VPS13D: variants seen among roughly 807,000 people sequenced by gnomAD.
VPS13D encodes the protein vacuolar protein sorting 13 homolog D.
VPS13D carries 187 observed loss-of-function variants against 461.9 expected under a neutral mutation model. The observed-to-expected ratio is 0.40, with a 90% confidence interval of 0.36 to 0.46. The LOEUF is 0.46. VPS13D is among the 20% of genes least tolerant of loss of function. The probability of loss-of-function intolerance (pLI) is 0.60; values close to 1 mark genes in which losing one functional copy is unlikely to be tolerated. For missense variants in VPS13D, 4,711 were observed against 5,364.9 expected, an observed-to-expected ratio of 0.88 and a Z score of 3.81; for synonymous variants, 1,951 against 1,986.3, an observed-to-expected ratio of 0.98 and a Z score of 0.47.
In VPS13D at chr1:12,329,896, T is replaced by C. The variant is rs79566132; in HGVS notation, c.8265T>C (p.Asp2755=). 0.017 allele frequency: 28,219 copies of C among 1,613,724 alleles called. 365 individuals are homozygous for C. The highest frequency in any genetic ancestry group is 0.063 in the African/African-American group (4,746 of 74,974). ...EGYAHFTLSG[D]YYNRALSGWE... is the part of the protein sequence containing the mutation. Reference sequence around the variant, plus strand: ...ATGCCCACTTCACCCTTTCTGGAGATTATTATAACCGTGCTCTTTCAGGTC... The same window carrying C: ...ATGCCCACTTCACCCTTTCTGGAGACTATTATAACCGTGCTCTTTCAGGTC... Residue 2755 remains aspartate, a synonymous_variant, in exon 37 of 70, where the codon GAT becomes GAC. Coordinates refer to ENST00000620676, the MANE Select transcript of VPS13D (RefSeq NM_015378.4).
intron 68 of VPS13D, 147 bp downstream of exon 68, chr1:12,497,778 T>G: frequency 9.5e-7 from 1 of 1,049,222 alleles, no homozygotes; most frequent in Non-Finnish European, 1.3e-6. Context: ...AAATGTTTTT[T>G]AGATTTAGAT....
intron 67 of VPS13D, among the ~76,000 whole-genome samples, chr1:12,461,558 G>A (rs1557453779): frequency 6.6e-6 from 1 of 152,150 alleles, no homozygotes; most frequent in Non-Finnish European, 1.5e-5. Flanking sequence ...ATGAAGTTGT[G>A]GGGAGGGGCA....
intron 22 of VPS13D, among the ~76,000 whole-genome samples, chr1:12,290,494 G>A (rs766402312): frequency 1.3e-5 from 2 of 152,028 alleles, no homozygotes; most frequent in Non-Finnish European, 2.9e-5. Context: ...AGGCCAAGGC[G>A]GGCGGATCAT....
In VPS13D at chr1:12,351,050, C is replaced by T. The variant is rs1384492334; in HGVS notation, c.9431+1676C>T. Reference sequence around the variant, plus strand: ...AAAAGAACTTCAACTGTTAGAAAAGCCTTTGTCCACAAAGAACACTATAGG... The same window carrying T: ...AAAAGAACTTCAACTGTTAGAAAAGTCTTTGTCCACAAAGAACACTATAGG... On this transcript the variant is annotated intron_variant, in intron 46 of 69. Coordinates refer to ENST00000620676, the MANE Select transcript of VPS13D (RefSeq NM_015378.4). Among the ~76,000 whole-genome samples, 2 of 152,152 alleles carry T rather than the reference C, an allele frequency of 1.3e-5. 1 individual carries two copies. Among genetic ancestry groups the T allele is most frequent in the South Asian group, 4.1e-4 (2 of 4,822 alleles).
At chr1:12,394,844 A>C (rs116102717) in intron 60 of VPS13D, among the ~76,000 whole-genome samples, 4,360 of 152,188 alleles carry the variant, frequency 0.029, 114 homozygotes, top group African/African-American at 0.063. Context: ...TTACCTCTCC[A>C]AGCTGCAACA....
chr1:12,250,256 T>TG (rs1640692622), intron 6 of VPS13D, among the ~76,000 whole-genome samples: 1 of 152,050 alleles, frequency 6.6e-6, no homozygotes, highest in Non-Finnish European at 1.5e-5. Flanking sequence ...GGTCAGTGAG[T>TG]GGTGCTGAAA....
chr1:12,340,809 G>A (rs549373711), intron 40 of VPS13D, among the ~76,000 whole-genome samples: 33 of 152,322 alleles, frequency 2.2e-4, no homozygotes, highest in African/African-American at 3.4e-4. Context: ...TTGTGAACAT[G>A]TCAACCAGGA....
chr1:12,403,300 T>C (rs1357373507), intron 62 of VPS13D, among the ~76,000 whole-genome samples: 1 of 152,242 alleles, frequency 6.6e-6, no homozygotes, highest in Admixed American at 6.5e-5. Flanking sequence ...TTTAAATGGA[T>C]GTCCACCATT....
At chr1:12,324,241 C>G (rs1484851879) in intron 35 of VPS13D, among the ~76,000 whole-genome samples, 1 of 152,144 alleles carries the variant, frequency 6.6e-6, no homozygotes, top group Non-Finnish European at 1.5e-5. Context: ...GGTGCGGTGG[C>G]TCATGCCTAT....
intron 67 of VPS13D, among the ~76,000 whole-genome samples, chr1:12,491,552 AT>A (rs965398453): frequency 2.0e-5 from 3 of 150,778 alleles, no homozygotes; most frequent in Admixed American, 6.6e-5. Context: ...TTTACTGTTG[AT>A]TTTTTTTTTA....
At chr1:12,258,229 A>G in intron 10 of VPS13D, 126 bp downstream of exon 10, 2 of 1,212,494 alleles carry the variant, frequency 1.6e-6, no homozygotes, top group Non-Finnish European at 1.1e-6. Context: ...ATTTTATAGG[A>G]TAGAGTTGGT....
Position 12,416,681 on chromosome 1 carries a change from C to T in VPS13D, c.12187C>T (p.Arg4063Ter). 1 of 1,613,790 alleles carries T rather than the reference C, an allele frequency of 6.2e-7. No individual in the cohort carries two copies. The highest frequency in any genetic ancestry group is 8.5e-7 in the Non-Finnish European group (1 of 1,179,898). ...GCAGGAACTCCTCAGCCAGGCAGCT[C>T]GAATCCTGGGATCAGTGGATTTTCT... is the stretch of plus-strand genomic sequence containing the variant. ...FQEELLSQAA[R>*]ILGSVDFLGN... The change falls in exon 65 of 70, where the codon CGA becomes TGA. Residue 4063 changes from arginine (R) to a stop codon, truncating the protein, a stop_gained. Transcript: ENST00000620676. LOFTEE classifies it high-confidence loss of function.
chr1:12,298,012 A>T (rs1442428851), intron 24 of VPS13D, among the ~76,000 whole-genome samples: 2 of 152,206 alleles, frequency 1.3e-5, no homozygotes, highest in Admixed American at 6.5e-5. Flanking sequence ...GCCTGTATAT[A>T]TATAAATACA....
At chr1:12,375,815 A>G (rs1644190138) in intron 55 of VPS13D, among the ~76,000 whole-genome samples, 1 of 152,152 alleles carries the variant, frequency 6.6e-6, no homozygotes, top group African/African-American at 2.4e-5. Flanking sequence ...CTTGTTCCAC[A>G]TGCGCTTTAA....
chr1:12,333,153 A>C, intron 37 of VPS13D, 73 bp from the exon 38 acceptor site: 2 of 1,527,890 alleles, frequency 1.3e-6, no homozygotes, highest in Non-Finnish European at 1.8e-6. Flanking sequence ...CTTGCTGAAC[A>C]TTTGCGAGCA....
chr1:12,502,320 A>T lies in VPS13D; in HGVS notation c.12795-4533A>T, dbSNP rs980756054. 2.0e-5 allele frequency among the ~76,000 whole-genome samples: 3 copies of T among 152,152 alleles called. No individual in the cohort carries two copies. The highest frequency in any genetic ancestry group is 2.0e-4 in the Admixed American group (3 of 15,288). ...AGGAGGCAGCATCAGTGGAACCCTC[A>T]ACTGCTAAATTGGAATCTGAGTGAG... On this transcript the variant is annotated intron_variant, in intron 68 of 69. Coordinates refer to ENST00000620676, the MANE Select transcript of VPS13D (RefSeq NM_015378.4). The surrounding 1 kb of genome is among the most constrained non-coding windows in gnomAD (Gnocchi z 4.3).
chr1:12,423,187 G>T (rs766283462), intron 65 of VPS13D, among the ~76,000 whole-genome samples: 6 of 152,080 alleles, frequency 3.9e-5, no homozygotes, highest in Non-Finnish European at 8.8e-5. Flanking sequence ...TAGCTAGATG[G>T]GCATTTTCAG....
intron 38 of VPS13D, among the ~76,000 whole-genome samples, chr1:12,335,446 A>G (rs532551603): frequency 3.9e-5 from 6 of 152,224 alleles, no homozygotes; most frequent in Non-Finnish European, 7.3e-5. Flanking sequence ...TATTGAATCT[A>G]TAGATTGGTT....
chr1:12,480,342 C>T (rs976391759), intron 67 of VPS13D, among the ~76,000 whole-genome samples: 18 of 152,198 alleles, frequency 1.2e-4, no homozygotes, highest in African/African-American at 3.4e-4. Flanking sequence ...TATGTCATAG[C>T]CATCTCCTTT....
Sources: allele counts gnomAD v4.1 joint callset (sites outside exome capture counted in the v4.1 genomes callset), GRCh38; gene constraint gnomAD v4.1.1; non-coding constraint Gnocchi (gnomAD v3.1); transcripts MANE v1.5; gene names NCBI Gene and HGNC (gene_info 2026-07-23, HGNC 2026-07-21).